Variants in CWC27 observed in about 807,000 individuals in gnomAD.
CWC27 encodes spliceosome-associated protein CWC27 homolog.
Under a neutral mutation model 63.6 loss-of-function variants are expected in CWC27, and 47 were observed. That is an observed-to-expected ratio of 0.74 (90% CI 0.58 to 0.94). CWC27 has a LOEUF of 0.94. Ranked by LOEUF, CWC27 falls within the 40% of genes least tolerant of loss-of-function variation. CWC27 has a pLI of 0.00. For missense variants in CWC27, 495 were observed against 554.3 expected, an observed-to-expected ratio of 0.89 and a Z score of 1.07; for synonymous variants, 175 against 179.8, an observed-to-expected ratio of 0.97 and a Z score of 0.22.
chr5:64,769,062 G>T lies in CWC27; in HGVS notation c.-85G>T. The stretch of plus-strand genomic sequence containing the variant: ...TTCCTGCACCACTGGACTTAAGGAA[G>T]AGTGTACTCGTAGGCGGACAGCTTT... On this transcript the variant is annotated 5_prime_UTR_variant, in exon 1 of 14. Coordinates refer to ENST00000381070, the MANE Select transcript of CWC27 (RefSeq NM_005869.4). 1 of 1,094,300 alleles carries T rather than the reference G, an allele frequency of 9.1e-7. No individual in the cohort carries two copies. Among genetic ancestry groups the T allele is most frequent in the Non-Finnish European group, 1.4e-6 (1 of 711,794 alleles). 67.8% of individuals were successfully genotyped at this position (1,094,300 alleles called of 1,614,324 possible).
At chr5:64,861,714 T>C (rs1746416295) in intron 10 of CWC27, among the ~76,000 whole-genome samples, 1 of 152,208 alleles carries the variant, frequency 6.6e-6, no homozygotes, top group Non-Finnish European at 1.5e-5. Context: ...ATGGATATCC[T>C]AGAACTGAGG....
At chr5:64,964,661 C>A (rs2112436480) in intron 11 of CWC27, among the ~76,000 whole-genome samples, 1 of 152,254 alleles carries the variant, frequency 6.6e-6, no homozygotes, top group East Asian at 1.9e-4. Flanking sequence ...AAAATTATCA[C>A]AAGGTAAAAT....
chr5:64,878,972 G>A lies in CWC27; in HGVS notation c.939-6471G>A, dbSNP rs150457089. Among the ~76,000 whole-genome samples the A allele has an allele frequency of 3.9e-5, 6 of 152,008 alleles. No homozygotes were observed. In the East Asian group the frequency reaches 1.2e-3, roughly 29 times the overall value. On this transcript the variant is annotated intron_variant, in intron 10 of 13. Transcript: ENST00000381070. ...AGTAGAACTGTAGGATTTGGGGTATGTGTTATAAAATGAATGGAAGAAAGG... is the reference window on the plus strand; with the variant it reads ...AGTAGAACTGTAGGATTTGGGGTATATGTTATAAAATGAATGGAAGAAAGG...
intron 7 of CWC27, among the ~76,000 whole-genome samples, chr5:64,792,387 A>G (rs1027245536): frequency 4.6e-5 from 7 of 152,094 alleles, no homozygotes; most frequent in African/African-American, 1.7e-4. Flanking sequence ...CTCTATATGT[A>G]TGCCTTATTG....
chr5:64,787,461 A>G (rs1035340643), intron 6 of CWC27, among the ~76,000 whole-genome samples: 2 of 152,110 alleles, frequency 1.3e-5, no homozygotes, highest in Non-Finnish European at 2.9e-5. Context: ...ATAAATAGAA[A>G]GTAAAGTATA....
chr5:64,904,095 T>G (rs574194782), intron 11 of CWC27, among the ~76,000 whole-genome samples: 1 of 152,330 alleles, frequency 6.6e-6, no homozygotes, highest in African/African-American at 2.4e-5. Context: ...AAGACCACCA[T>G]GCTTCTACAA....
At chr5:64,945,636 C>G (rs1162621380) in intron 11 of CWC27, among the ~76,000 whole-genome samples, 6 of 152,128 alleles carry the variant, frequency 3.9e-5, no homozygotes, top group Non-Finnish European at 8.8e-5. Flanking sequence ...GTATTTTGCA[C>G]AAAGAAGTTG....
chr5:64,800,674 A>G (rs1257128191), intron 8 of CWC27, among the ~76,000 whole-genome samples: 1 of 152,208 alleles, frequency 6.6e-6, no homozygotes. Flanking sequence ...TAATTGTATC[A>G]TGAATGAACA....
chr5:64,898,857 C>T (rs1360791215), intron 11 of CWC27, among the ~76,000 whole-genome samples: 2 of 151,994 alleles, frequency 1.3e-5, no homozygotes, highest in African/African-American at 4.8e-5. Context: ...TGATTCAACC[C>T]GACCCACCTC....
chr5:64,998,006 C>T (rs976826038), intron 13 of CWC27, among the ~76,000 whole-genome samples: 7 of 152,062 alleles, frequency 4.6e-5, no homozygotes, highest in Admixed American at 3.9e-4. Context: ...ATAAATAGGT[C>T]GTTGTCAGAG....
intron 10 of CWC27, among the ~76,000 whole-genome samples, chr5:64,873,373 A>T (rs1429007740): frequency 6.6e-6 from 1 of 152,092 alleles, no homozygotes; most frequent in Non-Finnish European, 1.5e-5. Flanking sequence ...TAAAAATATT[A>T]AATATAAATA....
intron 10 of CWC27, among the ~76,000 whole-genome samples, chr5:64,809,821 C>T (rs891427259): frequency 2.0e-5 from 3 of 152,084 alleles, no homozygotes; most frequent in East Asian, 3.8e-4. Flanking sequence ...GTATGATTTG[C>T]GAATATTTTC....
chr5:64,788,674 G>A (rs1430140131), intron 6 of CWC27, among the ~76,000 whole-genome samples: 1 of 151,894 alleles, frequency 6.6e-6, no homozygotes, highest in East Asian at 1.9e-4. Flanking sequence ...GCTTTACTCA[G>A]TAAATTTAAT....
At chr5:64,812,009 CAG>C (rs1250428456) in intron 10 of CWC27, among the ~76,000 whole-genome samples, 2 of 151,978 alleles carry the variant, frequency 1.3e-5, no homozygotes, top group African/African-American at 4.8e-5. Flanking sequence ...CTAGACTTCT[CAG>C]AAAAATTAAT....
intron 10 of CWC27, among the ~76,000 whole-genome samples, chr5:64,837,741 A>G (rs375932165): frequency 6.6e-5 from 10 of 152,160 alleles, no homozygotes; most frequent in Middle Eastern, 3.4e-3. Flanking sequence ...GAGGTTTACA[A>G]CTTAGTTAAG....
intron 11 of CWC27, among the ~76,000 whole-genome samples, chr5:64,927,568 G>A (rs557019834): frequency 6.6e-6 from 1 of 152,204 alleles, no homozygotes; most frequent in South Asian, 2.1e-4. Flanking sequence ...TTCTTCTTAA[G>A]GCTAATCACC....
intron 11 of CWC27, among the ~76,000 whole-genome samples, chr5:64,942,897 C>G (rs1748513926): frequency 6.6e-6 from 1 of 152,112 alleles, no homozygotes; most frequent in African/African-American, 2.4e-5. Flanking sequence ...ACTTTATCTT[C>G]TGTTGTGTGG....
At chr5:64,992,466 A>C (rs1749553284) in intron 13 of CWC27, among the ~76,000 whole-genome samples, 1 of 152,118 alleles carries the variant, frequency 6.6e-6, no homozygotes. Flanking sequence ...TCTAAATAAC[A>C]ATATTCATCT....
intron 13 of CWC27, among the ~76,000 whole-genome samples, chr5:64,997,368 A>G (rs1330063521): frequency 1.3e-5 from 2 of 152,114 alleles, no homozygotes; most frequent in African/African-American, 4.8e-5. Context: ...ATGAAATACT[A>G]TTTTTAAAGG....
Sources: allele counts gnomAD v4.1 joint callset (sites outside exome capture counted in the v4.1 genomes callset), GRCh38; gene constraint gnomAD v4.1.1; transcripts MANE v1.5; gene names NCBI Gene and HGNC (gene_info 2026-07-23, HGNC 2026-07-21).